Variants in TIGAR observed in about 807,000 individuals in gnomAD.
TIGAR encodes the protein fructose-2,6-bisphosphatase TIGAR.
Under a neutral mutation model 17.9 loss-of-function variants are expected in TIGAR, and 7 were observed. The observed-to-expected ratio is 0.39, with a 90% CI of 0.22 to 0.73. TIGAR has a LOEUF of 0.73. TIGAR is among the 30% of genes least tolerant of loss of function. The pLI, the probability that TIGAR is intolerant of heterozygous loss-of-function variation, is 0.42. For synonymous variants in TIGAR, 94 were observed against 108.6 expected (o/e 0.87, Z 0.84); for missense variants, 258 against 327.4 (o/e 0.79, Z 1.64).
intron 3 of TIGAR, among the ~76,000 whole-genome samples, chr12:4,339,848 C>A (rs1864700575): frequency 6.6e-6 from 1 of 152,210 alleles, no homozygotes; most frequent in South Asian, 2.1e-4. Flanking sequence ...ATCTAACATC[C>A]CTTCATGATG....
chr12:4,327,914 CT>C (rs1170895075), intron 1 of TIGAR, among the ~76,000 whole-genome samples: 2 of 152,174 alleles, frequency 1.3e-5, no homozygotes, highest in African/African-American at 2.4e-5. Context: ...GATCCGCCTG[CT>C]TCGGCCTCCC....
intron 4 of TIGAR, among the ~76,000 whole-genome samples, chr12:4,350,953 A>G (rs1864832109): frequency 6.6e-6 from 1 of 152,154 alleles, no homozygotes; most frequent in African/African-American, 2.4e-5. Flanking sequence ...TGTGCATGTT[A>G]ATCTCTAGTC....
In TIGAR at chr12:4,354,223, G is replaced by A. The variant is rs1213760559; in HGVS notation, c.*1532G>A. 2.0e-5 allele frequency: 3 copies of A among 152,126 alleles called. No homozygotes were observed. The highest frequency in any genetic ancestry group is 2.9e-5 in the Non-Finnish European group (2 of 68,024). The allele number at this position is 152,126 out of a possible 1,614,324, so 9.4% of individuals were successfully genotyped here. Reference sequence around the variant, plus strand: ...GTTCTTAGTGTGTCTAGCACTACCAGTTTTCTACCAGTATTGAAACAGGGC... The same window carrying A: ...GTTCTTAGTGTGTCTAGCACTACCAATTTTCTACCAGTATTGAAACAGGGC... On this transcript the variant is annotated 3_prime_UTR_variant, in exon 6 of 6. Coordinates refer to ENST00000179259, the MANE Select transcript of TIGAR (RefSeq NM_020375.3).
chr12:4,353,432 T>C lies in TIGAR; in HGVS notation c.*741T>C, dbSNP rs17700406. 49,180 of 152,112 alleles carry C rather than the reference T, an allele frequency of 0.32. 8,199 individuals carry two copies. Among genetic ancestry groups the C allele is most frequent in the Middle Eastern group, 0.5 (148 of 294 alleles). The allele number at this position is 152,112 out of a possible 1,614,324, so 9.4% of individuals were successfully genotyped here. A position where few individuals can be genotyped will look rare whatever the true frequency, so the allele number is the denominator to read the frequency against. ...ATGAAGAATATCCACTTGCTTCTTATCTAACCTGTAGGCTGAAGAATTTCC... is the reference window on the plus strand; with the variant it reads ...ATGAAGAATATCCACTTGCTTCTTACCTAACCTGTAGGCTGAAGAATTTCC... On this transcript the variant is annotated 3_prime_UTR_variant, in exon 6 of 6. Coordinates refer to ENST00000179259, the MANE Select transcript of TIGAR (RefSeq NM_020375.3).
chr12:4,341,383 A>G (rs1864718833), intron 3 of TIGAR, among the ~76,000 whole-genome samples: 1 of 152,162 alleles, frequency 6.6e-6, no homozygotes, highest in African/African-American at 2.4e-5. Flanking sequence ...TGAGCTTTGA[A>G]GAGAGTAGTC....
rs556070079 is a variant in TIGAR at position 4,357,502 on chromosome 12, T to C, written c.*4811T>C. On this transcript the variant is annotated 3_prime_UTR_variant, in exon 6 of 6. Coordinates refer to ENST00000179259, the MANE Select transcript of TIGAR (RefSeq NM_020375.3). ...CATCCTTGTTTCATGTAAATGTTGC[T>C]TTTTACCCCTCTTTCTTTGGGCCCC... is the stretch of plus-strand genomic sequence containing the variant. Among the ~76,000 whole-genome samples the C allele has an allele frequency of 6.6e-6, 1 of 152,298 alleles. No individual in the cohort carries two copies. Among genetic ancestry groups the C allele is most frequent in the South Asian group, 2.1e-4 (1 of 4,824 alleles).
In TIGAR at chr12:4,357,073, C is replaced by T. The variant is rs564530863; in HGVS notation, c.*4382C>T. Among the ~76,000 whole-genome samples the T allele has an allele frequency of 1.3e-5, 2 of 152,290 alleles. No homozygotes were observed. Among genetic ancestry groups the T allele is most frequent in the East Asian group, 1.9e-4 (1 of 5,196 alleles). ...ATGTCATACTCAGCAAGGACATGCT[C>T]ATATTAGGGGAAGCACATAAAGTAA... On this transcript the variant is annotated 3_prime_UTR_variant, in exon 6 of 6. Transcript: ENST00000179259.
chr12:4,352,621 T>C lies in TIGAR; in HGVS notation c.743T>C (p.Val248Ala). Residue 248 changes from valine (V) to alanine (A), a missense_variant, in exon 6 of 6, where the codon GTT (valine) becomes GCT (alanine). Transcript: ENST00000179259. ...ATAAACTTTGAGGAAGGAAGAGAAG[T>C]TAAACCAACGGTTCAGTGTATTTGT... ...FIINFEEGRE[V>A]KPTVQCICMN... 1 of 1,609,994 alleles carries C rather than the reference T, an allele frequency of 6.2e-7. No homozygotes were observed. Among genetic ancestry groups the C allele is most frequent in the Non-Finnish European group, 8.5e-7 (1 of 1,180,014 alleles).
chr12:4,340,057 G>A lies in TIGAR; in HGVS notation c.192+2897G>A, dbSNP rs550626347. ...ACTGTTATTCAACGTAGTACTGGAA[G>A]TCTTAGCTGGAGCAATCAGACAAGA... On this transcript the variant is annotated intron_variant, in intron 3 of 5. Transcript: ENST00000179259. Among the ~76,000 whole-genome samples the A allele has an allele frequency of 6.6e-5, 10 of 152,306 alleles. No homozygotes were observed. In the South Asian group the frequency reaches 1.9e-3, roughly 28 times the overall value.
chr12:4,351,670 C>T (rs977854812), intron 5 of TIGAR, among the ~76,000 whole-genome samples: 4 of 152,142 alleles, frequency 2.6e-5, no homozygotes, highest in East Asian at 1.9e-4. Context: ...AGAGGGTGAT[C>T]GGCAAGTCAC....
chr12:4,338,727 A>G (rs966629384), intron 3 of TIGAR, among the ~76,000 whole-genome samples: 1 of 151,968 alleles, frequency 6.6e-6, no homozygotes, highest in Non-Finnish European at 1.5e-5. Flanking sequence ...GAACAAGAAA[A>G]GCCACTTTGG....
chr12:4,342,981 T>G (rs1864740883), intron 3 of TIGAR, among the ~76,000 whole-genome samples: 1 of 152,102 alleles, frequency 6.6e-6, no homozygotes, highest in Non-Finnish European at 1.5e-5. Flanking sequence ...TGTGCTGTAT[T>G]CAGGAAATCC....
intron 3 of TIGAR, 146 bp downstream of exon 3, chr12:4,337,306 CA>C: frequency 3.9e-6 from 2 of 512,558 alleles, no homozygotes; most frequent in Non-Finnish European, 6.7e-6. Flanking sequence ...GCTGGGATTA[CA>C]GGTGTGTGCC....
intron 3 of TIGAR, among the ~76,000 whole-genome samples, chr12:4,340,212 T>C (rs1400118659): frequency 6.6e-6 from 1 of 152,208 alleles, no homozygotes; most frequent in Non-Finnish European, 1.5e-5. Flanking sequence ...TTTGGTAAAG[T>C]TGCAGGATGC....
intron 1 of TIGAR, 121 bp from the exon 2 acceptor site, chr12:4,331,159 G>T (rs1864599654): frequency 1.2e-6 from 1 of 839,692 alleles, no homozygotes; most frequent in Non-Finnish European, 2.0e-6. Flanking sequence ...GGATTATGAA[G>T]TGTGTTACAA....
rs1864874329 is a variant in TIGAR at position 4,354,537 on chromosome 12, GGTACT to G, written c.*1849_*1853del. On this transcript the variant is annotated 3_prime_UTR_variant, in exon 6 of 6. Coordinates refer to ENST00000179259, the MANE Select transcript of TIGAR (RefSeq NM_020375.3). Reference sequence around the variant, plus strand: ...TTTCACCTAGTGTCTGGAAGGAGATGGTACTGTTTTGGTGCTTTAAAAATAAATAT... The same window carrying G: ...TTTCACCTAGTGTCTGGAAGGAGATGGTTTTGGTGCTTTAAAAATAAATAT... 1 of 151,734 alleles carries G rather than the reference GGTACT, an allele frequency of 6.6e-6. No homozygotes were observed. The highest frequency in any genetic ancestry group is 1.9e-4 in the East Asian group (1 of 5,170). 9.4% of individuals were successfully genotyped at this position (151,734 alleles called of 1,614,324 possible).
At chr12:4,346,107 C>G (rs534533855) in intron 3 of TIGAR, among the ~76,000 whole-genome samples, 1 of 152,310 alleles carries the variant, frequency 6.6e-6, no homozygotes, top group East Asian at 1.9e-4. Flanking sequence ...CAGGAAACAA[C>G]AGGTGCTGGA....
chr12:4,350,407 A>G (rs1864825573), intron 4 of TIGAR, among the ~76,000 whole-genome samples: 1 of 152,220 alleles, frequency 6.6e-6, no homozygotes, highest in South Asian at 2.1e-4. Context: ...TGAATGACCT[A>G]GGAGAAAGTT....
chr12:4,339,914 G>A (rs1250860186), intron 3 of TIGAR, among the ~76,000 whole-genome samples: 1 of 152,108 alleles, frequency 6.6e-6, no homozygotes, highest in African/African-American at 2.4e-5. Flanking sequence ...TACAGTAAAA[G>A]CCTCAACACA....
Sources: gnomAD v4.1 joint callset for allele counts (sites outside exome capture counted in the v4.1 genomes callset) on GRCh38, gnomAD v4.1.1 for gene constraint, MANE v1.5 for transcripts, NCBI Gene and HGNC (gene_info 2026-07-23, HGNC 2026-07-21) for gene names.